The following SRGAP3 variants were observed in gnomAD, a reference collection of about 807,000 sequenced individuals.
SRGAP3 encodes SLIT-ROBO Rho GTPase activating protein 3.
Under a neutral mutation model 121.1 loss-of-function variants are expected in SRGAP3, and 39 were observed. The ratio of observed to expected loss-of-function variants is 0.32; its 90% CI spans 0.25 to 0.42. The LOEUF is 0.42. Among genes scored for constraint, SRGAP3 ranks in the 10% least tolerant of loss-of-function variants. The pLI, the probability that SRGAP3 is intolerant of heterozygous loss-of-function variation, is 1.00. For missense variants in SRGAP3, 1,213 were observed against 1,470.6 expected, an observed-to-expected ratio of 0.82 and a Z score of 2.86; for synonymous variants, 601 against 570.0, an observed-to-expected ratio of 1.05 and a Z score of -0.77.
intron 3 of SRGAP3, among the ~76,000 whole-genome samples, chr3:9,259,949 C>A (rs911628859): frequency 6.6e-6 from 1 of 151,308 alleles, no homozygotes; most frequent in East Asian, 1.9e-4. Context: ...ACTGAGGTAC[C>A]CACCTCATCT....
intron 18 of SRGAP3, among the ~76,000 whole-genome samples, chr3:9,001,743 A>G (rs921770785): frequency 1.3e-5 from 2 of 152,186 alleles, no homozygotes; most frequent in Admixed American, 1.3e-4. Flanking sequence ...ACAAACTGGA[A>G]CCACAGGAAA....
intron 3 of SRGAP3, among the ~76,000 whole-genome samples, chr3:9,095,248 T>A (rs1057472556): frequency 9.9e-5 from 15 of 152,058 alleles, no homozygotes; most frequent in African/African-American, 3.4e-4. Context: ...TATTTTCTAT[T>A]TATTTATTGT....
intron 3 of SRGAP3, among the ~76,000 whole-genome samples, chr3:9,094,532 T>G (rs1947892147): frequency 6.6e-6 from 1 of 152,172 alleles, no homozygotes. Context: ...CTTCCAGCAC[T>G]GTTACTAGAT....
At position 9,210,270 on chromosome 3, in the gene SRGAP3, G is replaced by A. The variant is rs143342366; in HGVS notation, c.67+38615C>T. On this transcript the variant is annotated intron_variant, in intron 1 of 21. Transcript: ENST00000383836. ...GAATATTTACCAAAGTCAATGAACAGTACACTTAAAATGGGTGAATTTTGT... is the reference window on the plus strand; with the variant it reads ...GAATATTTACCAAAGTCAATGAACAATACACTTAAAATGGGTGAATTTTGT... Among the ~76,000 whole-genome samples, 15 of 152,336 alleles carry A rather than the reference G, an allele frequency of 9.8e-5. No homozygotes were observed. In the East Asian group the frequency reaches 2.7e-3, roughly 27 times the overall value.
intron 1 of SRGAP3, among the ~76,000 whole-genome samples, chr3:9,226,240 C>A (rs1952985625): frequency 6.6e-6 from 1 of 152,204 alleles, no homozygotes; most frequent in Non-Finnish European, 1.5e-5. Context: ...TTTTGAGCCT[C>A]TTCAGGGAGT....
intron 1 of SRGAP3, among the ~76,000 whole-genome samples, chr3:9,153,767 C>T (rs887674136): frequency 5.3e-5 from 8 of 152,054 alleles, no homozygotes; most frequent in Non-Finnish European, 1.0e-4. Context: ...TTATTGTATA[C>T]ATTATACATA....
intron 1 of SRGAP3, among the ~76,000 whole-genome samples, chr3:9,163,482 T>C (rs558662431): frequency 6.6e-6 from 1 of 152,350 alleles, no homozygotes; most frequent in African/African-American, 2.4e-5. Flanking sequence ...GGCTGCCCCT[T>C]GGCCTTCCCC....
chr3:9,337,372 G>A (rs777036682), intron 1 of SRGAP3, among the ~76,000 whole-genome samples: 19 of 152,292 alleles, frequency 1.2e-4, no homozygotes, highest in Admixed American at 4.6e-4. Context: ...CTTATTATCT[G>A]TGGACTAGCA....
chr3:9,198,761 C>A (rs1951984466), intron 1 of SRGAP3, among the ~76,000 whole-genome samples: 1 of 152,140 alleles, frequency 6.6e-6, no homozygotes. Flanking sequence ...CCTTTCTCTC[C>A]CCAGCAAACG....
At chr3:9,197,424 C>A (rs771984173) in intron 1 of SRGAP3, among the ~76,000 whole-genome samples, 2 of 152,198 alleles carry the variant, frequency 1.3e-5, no homozygotes, top group Non-Finnish European at 2.9e-5. Flanking sequence ...CTTTCTTAAT[C>A]GCTCCAGGTC....
intron 1 of SRGAP3, among the ~76,000 whole-genome samples, chr3:9,132,165 A>G (rs534834169): frequency 8.5e-5 from 13 of 152,268 alleles, no homozygotes; most frequent in African/African-American, 2.6e-4. Flanking sequence ...GAGAGTTCCC[A>G]TATATCCCCT....
chr3:9,095,360 A>C (rs1947926408), intron 3 of SRGAP3, among the ~76,000 whole-genome samples: 1 of 152,042 alleles, frequency 6.6e-6, no homozygotes, highest in African/African-American at 2.4e-5. Flanking sequence ...TCCTACACCA[A>C]GGTTTTAAAT....
intron 2 of SRGAP3, among the ~76,000 whole-genome samples, chr3:9,327,212 T>C (rs1422872128): frequency 4.6e-5 from 7 of 151,902 alleles, no homozygotes; most frequent in African/African-American, 1.7e-4. Flanking sequence ...TTTTTTTCTC[T>C]GAGTAGAACA....
At chr3:9,052,678 T>C (rs1018297988) in intron 9 of SRGAP3, among the ~76,000 whole-genome samples, 1 of 152,242 alleles carries the variant, frequency 6.6e-6, no homozygotes, top group Non-Finnish European at 1.5e-5. Flanking sequence ...CAATTCAACA[T>C]GATAATCTAT....
intron 1 of SRGAP3, among the ~76,000 whole-genome samples, chr3:9,201,151 C>T (rs1381490899): frequency 6.6e-6 from 1 of 152,162 alleles, no homozygotes; most frequent in Non-Finnish European, 1.5e-5. Context: ...TAGGAAGGCT[C>T]GGTGACAACA....
At chr3:9,054,830 C>A (rs1239040966) in intron 8 of SRGAP3, among the ~76,000 whole-genome samples, 1 of 152,178 alleles carries the variant, frequency 6.6e-6, no homozygotes, top group Non-Finnish European at 1.5e-5. Context: ...ATAGTATGTG[C>A]TCTATAAATA....
chr3:9,063,670 G>A (rs763376312), intron 5 of SRGAP3, among the ~76,000 whole-genome samples: 2 of 152,056 alleles, frequency 1.3e-5, no homozygotes, highest in Non-Finnish European at 2.9e-5. Context: ...AATCTGTTTC[G>A]AGTTTCACAA....
intron 1 of SRGAP3, chr3:9,194,150 C>T (rs1037956204): frequency 1.3e-5 from 2 of 152,164 alleles, no homozygotes; most frequent in African/African-American, 4.8e-5. Flanking sequence ...GGAGATGAAA[C>T]CAAGCAATCT....
intron 1 of SRGAP3, among the ~76,000 whole-genome samples, chr3:9,361,282 T>G (rs1204026958): frequency 6.6e-6 from 1 of 152,134 alleles, no homozygotes; most frequent in African/African-American, 2.4e-5. Context: ...TTTGTCATTT[T>G]TTTGTAGCGA....
Sources: allele counts gnomAD v4.1 joint callset (sites outside exome capture counted in the v4.1 genomes callset), GRCh38; gene constraint gnomAD v4.1.1; transcripts MANE v1.5; gene names NCBI Gene and HGNC (gene_info 2026-07-23, HGNC 2026-07-21).